The following NTAQ1 variants were observed in gnomAD, a reference collection of about 807,000 sequenced individuals.
The protein encoded by NTAQ1 is protein N-terminal glutamine amidohydrolase.
Under a neutral mutation model 28.2 loss-of-function variants are expected in NTAQ1, and 21 were observed. The ratio of observed to expected loss-of-function variants is 0.74; its 90% CI spans 0.53 to 1.07. The LOEUF is 1.07. Among genes scored for constraint, NTAQ1 ranks in the 50% least tolerant of loss-of-function variants. The pLI is 0.00. For missense variants in NTAQ1, 264 were observed against 256.6 expected (o/e 1.03, Z -0.20); for synonymous variants, 105 against 90.0 (o/e 1.17, Z -0.94).
intron 6 of NTAQ1, chr8:123,454,848 A>T (rs1246983558): frequency 6.6e-6 from 1 of 152,234 alleles, no homozygotes; most frequent in African/African-American, 2.4e-5. Context: ...GTACCAGCAT[A>T]TGGACCCATT....
At chr8:123,470,483 A>G (rs952855214), downstream of NTAQ1, among the ~76,000 whole-genome samples, 1 of 152,222 alleles carries the variant, frequency 6.6e-6, no homozygotes, top group African/African-American at 2.4e-5. Context: ...CAGTGTCCCA[A>G]AGAGTGAGAA....
chr8:123,460,133 C>T (rs1327962114), intron 6 of NTAQ1, among the ~76,000 whole-genome samples: 1 of 152,052 alleles, frequency 6.6e-6, no homozygotes, highest in African/African-American at 2.4e-5. Context: ...CAGCAGATAT[C>T]TCTTGATTTC....
At chr8:123,468,680 T>C (rs529849332) in exon 7 of NTAQ1, among the ~76,000 whole-genome samples, 8 of 152,352 alleles carry the variant, frequency 5.3e-5, no homozygotes, top group African/African-American at 1.9e-4. Context: ...TGTGCAAATA[T>C]CTCTGTGAGA....
At chr8:123,447,885 G>A (rs1307447204) in intron 6 of NTAQ1, among the ~76,000 whole-genome samples, 6 of 152,196 alleles carry the variant, frequency 3.9e-5, no homozygotes, top group Non-Finnish European at 4.4e-5. Context: ...AGCTGTGACT[G>A]GTGTGTGGCT....
chr8:123,458,883 G>A (rs1815734884), intron 6 of NTAQ1, among the ~76,000 whole-genome samples: 1 of 152,118 alleles, frequency 6.6e-6, no homozygotes, highest in African/African-American at 2.4e-5. Flanking sequence ...GCCTCCCAAA[G>A]TGCTGGGATT....
upstream of NTAQ1, chr8:123,416,748 C>CCCCACGCCGGGAA: frequency 8.3e-7 from 1 of 1,205,608 alleles, no homozygotes; most frequent in Non-Finnish European, 1.1e-6. Flanking sequence ...GCTCCGCCCA[C>CCCCACGCCGGGAA]CCCACGCCGG....
At chr8:123,428,633 C>T (rs1814215645) in intron 2 of NTAQ1, among the ~76,000 whole-genome samples, 1 of 151,798 alleles carries the variant, frequency 6.6e-6, no homozygotes, top group Admixed American at 6.6e-5. Context: ...CGGAGTCTCA[C>T]TCTGTTGCCC....
intron 6 of NTAQ1, among the ~76,000 whole-genome samples, chr8:123,458,741 C>G (rs1190403128): frequency 2.0e-5 from 3 of 151,648 alleles, no homozygotes; most frequent in African/African-American, 7.3e-5. Flanking sequence ...CTGCCTCAGC[C>G]TCCCGAGTAG....
At chr8:123,451,843 A>T (rs7341642), downstream of NTAQ1, among the ~76,000 whole-genome samples, 55,158 of 152,228 alleles carry the variant, frequency 0.36, 10,130 homozygotes, top group East Asian at 0.56. Flanking sequence ...GGATAATGCT[A>T]GAAAACTGCT....
rs556789421 is a variant in NTAQ1, at chr8:123,459,875, C to T, written c.373-7204C>T. The stretch of plus-strand genomic sequence containing the variant: ...GGAGTGCAATGGCACGATCTCAGCT[C>T]ACCGCAACCTCCGCCTCCTGGTTCA... On this transcript the variant is annotated intron_variant, in intron 6 of 6. Transcript: ENST00000650311. Among the ~76,000 whole-genome samples the T allele has an allele frequency of 8.8e-5, 13 of 147,152 alleles. No homozygotes were observed. The South Asian group carries it at 1.7e-3, about 19-fold the overall frequency.
intron 1 of NTAQ1, among the ~76,000 whole-genome samples, chr8:123,418,265 A>G (rs1813432586): frequency 6.6e-6 from 1 of 152,124 alleles, no homozygotes; most frequent in African/African-American, 2.4e-5. Flanking sequence ...AGCCTGGCCG[A>G]CATGCAGAAA....
At chr8:123,429,276 A>G (rs570593864) in intron 2 of NTAQ1, among the ~76,000 whole-genome samples, 1 of 152,352 alleles carries the variant, frequency 6.6e-6, no homozygotes, top group East Asian at 1.9e-4. Context: ...AGACCATCAT[A>G]CAATAACTAG....
At chr8:123,432,438 G>A (rs908020524) in intron 3 of NTAQ1, among the ~76,000 whole-genome samples, 5 of 151,944 alleles carry the variant, frequency 3.3e-5, no homozygotes, top group African/African-American at 4.8e-5. Flanking sequence ...TCAGGAGTTC[G>A]AGACCAGCCT....
intron 5 of NTAQ1, among the ~76,000 whole-genome samples, chr8:123,439,345 GTT>G (rs34111480): frequency 1.3e-4 from 18 of 139,404 alleles, no homozygotes; most frequent in South Asian, 2.3e-4. Context: ...CACCTGGCTA[GTT>G]TTTTTTTTTT....
chr8:123,445,237 T>C (rs1232619773), downstream of NTAQ1, among the ~76,000 whole-genome samples: 1 of 152,114 alleles, frequency 6.6e-6, no homozygotes, highest in African/African-American at 2.4e-5. Flanking sequence ...TATGTAAACA[T>C]ATAGGTATGT....
chr8:123,430,075 G>C, intron 3 of NTAQ1, 42 bp downstream of exon 3: 1 of 1,518,388 alleles, frequency 6.6e-7, no homozygotes, highest in African/African-American at 1.4e-5. Flanking sequence ...ATTATGACTT[G>C]TAACCCCTTA....
intron 6 of NTAQ1, among the ~76,000 whole-genome samples, chr8:123,455,500 A>G (rs368498003): frequency 2.8e-5 from 4 of 140,518 alleles, no homozygotes; most frequent in African/African-American, 5.5e-5. Flanking sequence ...ATCTTGGCTC[A>G]TTACAACCGT....
chr8:123,448,492 A>G (rs1023896481), downstream of NTAQ1, among the ~76,000 whole-genome samples: 1 of 152,180 alleles, frequency 6.6e-6, no homozygotes, highest in African/African-American at 2.4e-5. Flanking sequence ...GCATGCCTGT[A>G]ATCCCAGTTA....
At chr8:123,466,119 T>C (rs969707377) in intron 6 of NTAQ1, among the ~76,000 whole-genome samples, 4 of 152,136 alleles carry the variant, frequency 2.6e-5, no homozygotes, top group African/African-American at 9.7e-5. Flanking sequence ...GCAGCTGGAA[T>C]GGAATGCTTC....
Sources: allele counts gnomAD v4.1 joint callset (sites outside exome capture counted in the v4.1 genomes callset), GRCh38; gene constraint gnomAD v4.1.1; transcripts MANE v1.5; gene names NCBI Gene and HGNC (gene_info 2026-07-23, HGNC 2026-07-21).